The following KMT2C variants were observed in gnomAD, a reference collection of about 807,000 sequenced individuals.
The protein encoded by KMT2C is histone-lysine N-methyltransferase 2C.
KMT2C carries 88 observed loss-of-function variants against 507.9 expected under a neutral mutation model. The observed-to-expected ratio is 0.17, with a 90% CI of 0.15 to 0.21. The LOEUF (loss-of-function observed/expected upper bound fraction) is 0.21. Ranked by LOEUF, KMT2C falls within the 10% of genes least tolerant of loss-of-function variation. The probability of loss-of-function intolerance (pLI) is 1.00; values close to 1 mark genes in which losing one functional copy is unlikely to be tolerated. For synonymous variants in KMT2C, 2,049 were observed against 2,080.8 expected (o/e 0.98, Z 0.42); for missense variants, 4,954 against 5,957.8 (o/e 0.83, Z 5.55).
chr7:152,155,508 A>G (rs2091980849), intron 46 of KMT2C, among the ~76,000 whole-genome samples: 1 of 152,232 alleles, frequency 6.6e-6, no homozygotes, highest in Non-Finnish European at 1.5e-5. Flanking sequence ...TCTCTGATAT[A>G]GCAACTTCTG....
intron 25 of KMT2C, 74 bp downstream of exon 25, chr7:152,205,032 G>A (rs1273728920): frequency 1.1e-6 from 1 of 942,024 alleles, no homozygotes; most frequent in Non-Finnish European, 1.6e-6. Context: ...ATTTAGGATA[G>A]TTTTTTCCAA....
intron 2 of KMT2C, among the ~76,000 whole-genome samples, chr7:152,333,854 T>C (rs992876530): frequency 2.6e-5 from 4 of 152,154 alleles, no homozygotes; most frequent in Non-Finnish European, 5.9e-5. Context: ...TTTTAAAAAA[T>C]TGAAATAGAA....
At position 152,419,915 on chromosome 7, in the gene KMT2C, C is replaced by T. The variant is rs545411572; in HGVS notation, c.161+15711G>A. ...AGTTTCTCACTCCCCTTTTTCTCTT[C>T]GGTAAAGTCTGTTTTCATTTTTAAA... is the stretch of plus-strand genomic sequence containing the variant. On this transcript the variant is annotated intron_variant, in intron 1 of 58. Coordinates refer to ENST00000262189, the MANE Select transcript of KMT2C (RefSeq NM_170606.3). Among the ~76,000 whole-genome samples, 34 of 152,308 alleles carry T rather than the reference C, an allele frequency of 2.2e-4. No homozygotes were observed. The South Asian group carries it at 3.1e-3, about 14-fold the overall frequency.
In KMT2C at chr7:152,178,015, T is replaced by TTAAAAAAAAAAAAAAAAAA. The variant is rs1491309235; in HGVS notation, c.7443-6_7443-5insTTTTTTTTTTTTTTTTTTA. On this transcript the variant is annotated splice_polypyrimidine_tract_variant and splice_region_variant and intron_variant, in intron 37 of 58. Coordinates refer to ENST00000262189, the MANE Select transcript of KMT2C (RefSeq NM_170606.3). ...CTACCTCCTGGAAATCCAAATCTTT[T>TTAAAAAAAAAAAAAAAAAA]AAAAAAAAAAAAAAAAAAAAAAAAA... The TTAAAAAAAAAAAAAAAAAA allele has an allele frequency of 2.1e-5, 17 of 811,074 alleles. No homozygotes were observed. In the African/African-American group the frequency reaches 3.7e-4, roughly 18 times the overall value. 50.2% of individuals were successfully genotyped at this position (811,074 alleles called of 1,614,324 possible).
chr7:152,163,984 T>G (rs1428624629), intron 42 of KMT2C, among the ~76,000 whole-genome samples, 158 bp from the exon 43 acceptor site: 1 of 152,140 alleles, frequency 6.6e-6, no homozygotes, highest in Non-Finnish European at 1.5e-5. Context: ...ACAAAAAAAT[T>G]GAATTGATAA....
chr7:152,394,017 G>T (rs2116568201), intron 1 of KMT2C, among the ~76,000 whole-genome samples: 1 of 152,130 alleles, frequency 6.6e-6, no homozygotes, highest in South Asian at 2.1e-4. Flanking sequence ...AACCTGGTGT[G>T]AACTACGAAT....
intron 34 of KMT2C, among the ~76,000 whole-genome samples, chr7:152,183,655 G>C (rs546998026): frequency 6.6e-6 from 1 of 152,164 alleles, no homozygotes; most frequent in Non-Finnish European, 1.5e-5. Flanking sequence ...CCAGTACTTT[G>C]GGAGGCTGAG....
chr7:152,367,752 G>C, intron 1 of KMT2C: 1 of 1,081,710 alleles, frequency 9.2e-7, no homozygotes. Flanking sequence ...CGATTACATT[G>C]ATAGTAAATC....
chr7:152,147,716 A>G (rs1376648731), intron 52 of KMT2C, among the ~76,000 whole-genome samples: 4 of 148,132 alleles, frequency 2.7e-5, no homozygotes, highest in Non-Finnish European at 4.4e-5. Context: ...TCAAAAAAAA[A>G]AAAAAAAAAA....
At position 152,181,382 on chromosome 7, in the gene KMT2C, A is replaced by G. The variant is rs2093429567; in HGVS notation, c.6478T>C (p.Ser2160Pro). ...GTARSNTDPYSQPPGTPRPTT... is the reference protein window; with the variant it reads ...GTARSNTDPYPQPPGTPRPTT... ...GGCCGGGGAGTTCCAGGAGGTTGAG[A>G]GTAAGGGTCTGTATTGGACCTAGCT... The change falls in exon 36 of 59, where the codon TCT becomes CCT. Residue 2160 changes from serine to proline, a missense_variant. Coordinates refer to ENST00000262189, the MANE Select transcript of KMT2C (RefSeq NM_170606.3). 8.1e-6 allele frequency: 13 copies of G among 1,613,942 alleles called. No homozygotes were observed. Among genetic ancestry groups the G allele is most frequent in the Non-Finnish European group, 1.1e-5 (13 of 1,180,002 alleles).
chr7:152,382,266 T>C (rs908491501), intron 1 of KMT2C, among the ~76,000 whole-genome samples: 2 of 152,134 alleles, frequency 1.3e-5, no homozygotes, highest in African/African-American at 2.4e-5. Flanking sequence ...CAGTAAGAAA[T>C]CAACTTATAG....
At chr7:152,373,890 G>A (rs2097309220) in intron 1 of KMT2C, among the ~76,000 whole-genome samples, 2 of 151,972 alleles carry the variant, frequency 1.3e-5, no homozygotes, top group South Asian at 2.1e-4. Flanking sequence ...TTTTTAAAAA[G>A]GGACAAAGGA....
chr7:152,432,849 CA>C (rs1305102525), intron 1 of KMT2C, among the ~76,000 whole-genome samples: 3 of 152,072 alleles, frequency 2.0e-5, no homozygotes, highest in African/African-American at 7.2e-5. Flanking sequence ...ACTTCATTGT[CA>C]AAAGGCATCT....
At chr7:152,146,486 G>A in intron 53 of KMT2C, 113 bp downstream of exon 53, 2 of 1,011,324 alleles carry the variant, frequency 2.0e-6, no homozygotes, top group Non-Finnish European at 3.0e-6. Flanking sequence ...ACGGGTTAAT[G>A]CACAGGCTCA....
chr7:152,360,820 G>T (rs1419537679), intron 1 of KMT2C, among the ~76,000 whole-genome samples: 1 of 151,254 alleles, frequency 6.6e-6, no homozygotes, highest in Non-Finnish European at 1.5e-5. Flanking sequence ...CTGCACTCCA[G>T]CCTGGGCAAC....
At chr7:152,180,364 T>C (rs1453795426) in intron 36 of KMT2C, among the ~76,000 whole-genome samples, 1 of 152,192 alleles carries the variant, frequency 6.6e-6, no homozygotes, top group African/African-American at 2.4e-5. Flanking sequence ...TATGTGGCTA[T>C]GGTAATGTTT....
At chr7:152,283,164 C>T (rs1239339449) in intron 6 of KMT2C, among the ~76,000 whole-genome samples, 16 of 150,754 alleles carry the variant, frequency 1.1e-4, no homozygotes, top group South Asian at 2.1e-4. Context: ...AAACATCCAC[C>T]CCCATTTTTT....
chr7:152,136,849 G>A lies in KMT2C; in HGVS notation c.14719C>T (p.Arg4907Trp), dbSNP rs1489591955. 3 of 1,613,188 alleles carry A rather than the reference G, an allele frequency of 1.9e-6. No homozygotes were observed. Among genetic ancestry groups the A allele is most frequent in the Non-Finnish European group, 2.5e-6 (3 of 1,179,680 alleles). The change falls in exon 59 of 59, where the codon CGG becomes TGG. Residue 4907 changes from arginine to tryptophan, a missense_variant. By Grantham distance (101) the Arg-to-Trp change is moderately radical (BLOSUM62 -3). This residue lies in a region of KMT2C where 133 missense variants were observed against 258.9 expected (regional missense o/e 0.51). Coordinates refer to ENST00000262189, the MANE Select transcript of KMT2C (RefSeq NM_170606.3). ...AATGCATTTCAGTTCATCCACTTCC[G>A]GCAGTTCACAGCTCCACAGTGACAC... ...IPCHCGAVNC[R>W]KWMN
chr7:152,239,003 G>A (rs12164072), intron 14 of KMT2C, 177 bp from the exon 15 acceptor site: 5 of 533,380 alleles, frequency 9.4e-6, no homozygotes, highest in Non-Finnish European at 1.3e-5. Flanking sequence ...AAACATTTAA[G>A]TATAACTTAA....
Sources: allele counts gnomAD v4.1 joint callset (sites outside exome capture counted in the v4.1 genomes callset), GRCh38; gene constraint gnomAD v4.1.1; regional missense constraint gnomAD v4.1.1; transcripts MANE v1.5; gene names NCBI Gene and HGNC (gene_info 2026-07-23, HGNC 2026-07-21).